CYYR1: variants seen among roughly 807,000 people sequenced by gnomAD.
The protein encoded by CYYR1 is cysteine and tyrosine rich 1.
In CYYR1, 14 loss-of-function variants were observed where a neutral mutation model predicts 15.2. That is an observed-to-expected ratio of 0.92 (90% CI 0.61 to 1.44). The LOEUF (loss-of-function observed/expected upper bound fraction) is 1.44, where lower values mean the gene tolerates loss of function less well. Among genes scored for constraint, CYYR1 ranks in the 40% most tolerant of loss-of-function variants. The probability of loss-of-function intolerance (pLI) is 0.00; values close to 1 mark genes in which losing one functional copy is unlikely to be tolerated. For synonymous variants in CYYR1, 80 were observed against 77.4 expected (o/e 1.03, Z -0.18); for missense variants, 228 against 209.5 (o/e 1.09, Z -0.54).
At chr21:26,518,952 G>A (rs1265430213) in intron 2 of CYYR1, among the ~76,000 whole-genome samples, 1 of 152,152 alleles carries the variant, frequency 6.6e-6, no homozygotes, top group Non-Finnish European at 1.5e-5. Flanking sequence ...AACCATCCTT[G>A]CTCCTTCACT....
chr21:26,530,914 T>C (rs2065923058), intron 2 of CYYR1, among the ~76,000 whole-genome samples: 1 of 152,128 alleles, frequency 6.6e-6, no homozygotes, highest in Admixed American at 6.6e-5. Context: ...AATGTGACAC[T>C]AGGACAAGTC....
At chr21:26,469,298 G>A (rs538678009) in intron 3 of CYYR1, among the ~76,000 whole-genome samples, 311 of 152,152 alleles carry the variant, frequency 2.0e-3, no homozygotes, top group Non-Finnish European at 3.5e-3. Context: ...TAGGTACCAA[G>A]TACAGGACTC....
intron 1 of CYYR1, among the ~76,000 whole-genome samples, chr21:26,567,141 T>C (rs1309430123): frequency 6.7e-6 from 1 of 149,842 alleles, no homozygotes; most frequent in Non-Finnish European, 1.5e-5. Context: ...TATTTTTCCA[T>C]GATAGTGCAT....
At chr21:26,512,366 T>C (rs545819351) in intron 2 of CYYR1, among the ~76,000 whole-genome samples, 86 of 151,312 alleles carry the variant, frequency 5.7e-4, no homozygotes, top group African/African-American at 2.0e-3. Flanking sequence ...GCCTGGCTAA[T>C]TTTTTTTTGT....
intron 3 of CYYR1, among the ~76,000 whole-genome samples, chr21:26,475,834 A>T (rs2065096142): frequency 6.6e-6 from 1 of 152,230 alleles, no homozygotes; most frequent in African/African-American, 2.4e-5. Context: ...ACTTGACTAC[A>T]TTAATGTATC....
chr21:26,553,336 G>A (rs1403004063), intron 2 of CYYR1, among the ~76,000 whole-genome samples: 1 of 152,032 alleles, frequency 6.6e-6, no homozygotes, highest in Non-Finnish European at 1.5e-5. Flanking sequence ...GGTTTATCCA[G>A]TTTGGAATTT....
chr21:26,554,717 A>T (rs1979645660), intron 2 of CYYR1, among the ~76,000 whole-genome samples: 1 of 151,884 alleles, frequency 6.6e-6, no homozygotes, highest in East Asian at 1.9e-4. Context: ...TTTCCAAATG[A>T]CCTTGCAGAA....
chr21:26,472,006 T>C (rs1424901716), intron 3 of CYYR1, among the ~76,000 whole-genome samples: 2 of 152,220 alleles, frequency 1.3e-5, no homozygotes, highest in African/African-American at 4.8e-5. Flanking sequence ...AGATGCGTGG[T>C]GTTACCCAAA....
intron 2 of CYYR1, among the ~76,000 whole-genome samples, chr21:26,559,814 A>G (rs1980075069): frequency 6.6e-6 from 1 of 152,172 alleles, no homozygotes; most frequent in African/African-American, 2.4e-5. Context: ...TGGTTTATCC[A>G]TTAACCAATA....
intron 2 of CYYR1, among the ~76,000 whole-genome samples, chr21:26,509,522 A>T (rs2065617208): frequency 6.6e-6 from 1 of 152,178 alleles, no homozygotes; most frequent in Admixed American, 6.5e-5. Context: ...TGTAGAAAGG[A>T]TGTGGATTAG....
At chr21:26,470,911 G>C (rs2065024830) in intron 3 of CYYR1, 1 of 152,246 alleles carries the variant, frequency 6.6e-6, no homozygotes, top group Admixed American at 6.5e-5. Context: ...TGGAGCAAAA[G>C]TCTTGCAAGT....
chr21:26,468,623 G>A lies in CYYR1; in HGVS notation c.346C>T (p.Pro116Ser). 6.2e-7 allele frequency: 1 copy of A among 1,601,628 alleles called. No individual in the cohort carries two copies. The highest frequency in any genetic ancestry group is 8.5e-7 in the Non-Finnish European group (1 of 1,173,782). ...TVSSYPAGPP[P>S]YGHDHEMEYC... is the part of the protein sequence containing the mutation. ...TCCATCTCGTGGTCGTGACCGTAGG[G>A]TGGTGGTCCTGCTGAAAAAGAAGGG... is the stretch of plus-strand genomic sequence containing the variant. Residue 116 changes from proline (P) to serine (S), a missense_variant, in exon 4 of 4, where the codon CCC (proline) becomes TCC (serine). Transcript: ENST00000652641.
chr21:26,513,732 A>G (rs2065682247), intron 2 of CYYR1, among the ~76,000 whole-genome samples: 2 of 152,134 alleles, frequency 1.3e-5, no homozygotes, highest in South Asian at 4.1e-4. Context: ...TTGGTCTTAG[A>G]AAGATCAGGG....
At chr21:26,508,421 GT>G (rs957722913) in intron 2 of CYYR1, among the ~76,000 whole-genome samples, 1 of 152,188 alleles carries the variant, frequency 6.6e-6, no homozygotes, top group Non-Finnish European at 1.5e-5. Context: ...GGGTTGGATT[GT>G]GGGAAAGCTG....
At chr21:26,540,576 C>A (rs1978482004) in intron 2 of CYYR1, among the ~76,000 whole-genome samples, 1 of 152,040 alleles carries the variant, frequency 6.6e-6, no homozygotes, top group Non-Finnish European at 1.5e-5. Context: ...GGGCATACTC[C>A]CAGCAGCCCA....
At chr21:26,566,602 A>G (rs1002806658) in intron 1 of CYYR1, among the ~76,000 whole-genome samples, 3 of 152,192 alleles carry the variant, frequency 2.0e-5, no homozygotes, top group Admixed American at 1.3e-4. Flanking sequence ...ACCAAGCACC[A>G]TAATTACCAG....
At chr21:26,522,469 T>G (rs1036737768) in intron 2 of CYYR1, among the ~76,000 whole-genome samples, 2 of 152,218 alleles carry the variant, frequency 1.3e-5, no homozygotes, top group African/African-American at 2.4e-5. Flanking sequence ...GGGAGAATGC[T>G]CTCCCAAATT....
At chr21:26,470,897 T>C (rs1490399848) in intron 3 of CYYR1, 1 of 152,232 alleles carries the variant, frequency 6.6e-6, no homozygotes, top group Non-Finnish European at 1.5e-5. Flanking sequence ...TGAGCACTCC[T>C]TGGTGGAGCA....
In CYYR1 at chr21:26,467,982, T is replaced by A. The variant is rs1267910559; in HGVS notation, c.*519A>T. On this transcript the variant is annotated 3_prime_UTR_variant, in exon 4 of 4. Coordinates refer to ENST00000652641, the MANE Select transcript of CYYR1 (RefSeq NM_001320768.2). ...TGTACTAAAACCAGAGTACCCGTCC[T>A]GTAACTTCCATCAGGACCTCAAACA... is the stretch of plus-strand genomic sequence containing the variant. 1 of 166,352 alleles carries A rather than the reference T, an allele frequency of 6.0e-6. No homozygotes were observed. The highest frequency in any genetic ancestry group is 1.3e-5 in the Non-Finnish European group (1 of 75,556). The allele number at this position is 166,352 out of a possible 1,614,324, so 10.3% of individuals were successfully genotyped here.
Sources: allele counts gnomAD v4.1 joint callset (sites outside exome capture counted in the v4.1 genomes callset), GRCh38; gene constraint gnomAD v4.1.1; transcripts MANE v1.5; gene names NCBI Gene and HGNC (gene_info 2026-07-23, HGNC 2026-07-21).